ANKRD12: variants seen among roughly 807,000 people sequenced by gnomAD.
ANKRD12 encodes ankyrin repeat domain 12, also known as ankyrin repeat domain-containing protein 12.
In ANKRD12, 85 loss-of-function variants were observed where a neutral mutation model predicts 183.4. The observed-to-expected ratio is 0.46, with a 90% CI of 0.39 to 0.56. The LOEUF (loss-of-function observed/expected upper bound fraction) is 0.56, where lower values mean the gene tolerates loss of function less well. ANKRD12 is among the 20% of genes least tolerant of loss of function. The pLI, the probability that ANKRD12 is intolerant of heterozygous loss-of-function variation, is 0.00. For missense variants in ANKRD12, 2,405 were observed against 2,357.1 expected (o/e 1.02, Z -0.42); for synonymous variants, 914 against 800.2 (o/e 1.14, Z -2.40).
intron 8 of ANKRD12, among the ~76,000 whole-genome samples, chr18:9,252,624 A>G (rs766805813): frequency 2.6e-5 from 4 of 152,244 alleles, no homozygotes; most frequent in Non-Finnish European, 5.9e-5. Flanking sequence ...ATCACAAATG[A>G]CAAACCATGG....
chr18:9,280,843 G>A lies in ANKRD12; in HGVS notation c.6004-98G>A, dbSNP rs896293578. On this transcript the variant is annotated intron_variant, in intron 12 of 12. Coordinates refer to ENST00000262126, the MANE Select transcript of ANKRD12 (RefSeq NM_015208.5). Reference sequence around the variant, plus strand: ...TTCAAATGCTTTTTATGCTCCTGATGTGTCCATTTTAGTTCCTAAAGAAAC... The same window carrying A: ...TTCAAATGCTTTTTATGCTCCTGATATGTCCATTTTAGTTCCTAAAGAAAC... 10 of 1,056,426 alleles carry A rather than the reference G, an allele frequency of 9.5e-6. No individual in the cohort carries two copies. The African/African-American group carries it at 1.6e-4, about 17-fold the overall frequency. 65.4% of individuals were successfully genotyped at this position (1,056,426 alleles called of 1,614,324 possible). A position where few individuals can be genotyped will look rare whatever the true frequency, so the allele number is the denominator to read the frequency against.
chr18:9,208,810 C>A lies in ANKRD12; in HGVS notation c.451+7C>A, dbSNP rs1406037673. ...GCAAGAGACAACAGTCCAGGTGATA[C>A]CTACCATCATTGAGTTAATGTGTAT... is the stretch of plus-strand genomic sequence containing the variant. On this transcript the variant is annotated splice_region_variant and intron_variant, in intron 5 of 12. Transcript: ENST00000262126. 1.3e-6 allele frequency: 2 copies of A among 1,544,484 alleles called. No homozygotes were observed. Among genetic ancestry groups the A allele is most frequent in the Admixed American group, 1.9e-5 (1 of 52,174 alleles).
chr18:9,236,826 G>A (rs1166936839), intron 8 of ANKRD12, among the ~76,000 whole-genome samples: 1 of 152,092 alleles, frequency 6.6e-6, no homozygotes, highest in Non-Finnish European at 1.5e-5. Context: ...TATACCCCTT[G>A]ACATACATTG....
intron 8 of ANKRD12, among the ~76,000 whole-genome samples, chr18:9,242,528 T>C (rs1336647346): frequency 6.6e-6 from 1 of 152,126 alleles, no homozygotes; most frequent in East Asian, 1.9e-4. Context: ...TATCTAGCCA[T>C]GGGTTAAAAG....
chr18:9,199,435 A>G (rs1325858535), intron 3 of ANKRD12, among the ~76,000 whole-genome samples: 2 of 152,212 alleles, frequency 1.3e-5, no homozygotes, highest in Non-Finnish European at 2.9e-5. Flanking sequence ...GATTAAGACT[A>G]AGACTTTTTT....
intron 8 of ANKRD12, among the ~76,000 whole-genome samples, chr18:9,232,269 C>A (rs2037096076): frequency 6.6e-6 from 1 of 152,100 alleles, no homozygotes; most frequent in Non-Finnish European, 1.5e-5. Flanking sequence ...CTTTCACTGC[C>A]AGGTTTAGGA....
chr18:9,254,226 A>C lies in ANKRD12; in HGVS notation c.959A>C (p.Gln320Pro). Residue 320 changes from glutamine (Q) to proline (P), a missense_variant, in exon 9 of 13, where the codon CAA becomes CCA. Physicochemically the swap from Gln to Pro is moderately conservative, Grantham distance 76. Transcript: ENST00000262126. The part of the protein sequence containing the change: ...DESYTDSEEA[Q>P]SVNPSSVDEN... ...TTTATTCTAGATTCCGAAGAGGCTC[A>C]ATCTGTAAATCCTTCTAGTGTTGAT... 1 of 1,559,610 alleles carries C rather than the reference A, an allele frequency of 6.4e-7. No individual in the cohort carries two copies. The highest frequency in any genetic ancestry group is 8.6e-7 in the Non-Finnish European group (1 of 1,156,958).
chr18:9,149,463 A>T (rs2078606316), intron 1 of ANKRD12, among the ~76,000 whole-genome samples: 1 of 152,130 alleles, frequency 6.6e-6, no homozygotes, highest in African/African-American at 2.4e-5. Context: ...TGGTTGGGGG[A>T]GATAAAGAAT....
chr18:9,141,029 C>T (rs913291171), intron 1 of ANKRD12, among the ~76,000 whole-genome samples: 2 of 151,854 alleles, frequency 1.3e-5, no homozygotes, highest in Non-Finnish European at 2.9e-5. Flanking sequence ...TGCTCTGCCT[C>T]TAATTAAGAG....
intron 7 of ANKRD12, among the ~76,000 whole-genome samples, chr18:9,220,099 C>G (rs762688712): frequency 4.6e-5 from 7 of 152,294 alleles, no homozygotes; most frequent in Admixed American, 1.3e-4. Flanking sequence ...CTGCAGTAAT[C>G]TAGAAAAGTT....
chr18:9,211,179 C>A (rs376221499), intron 5 of ANKRD12, among the ~76,000 whole-genome samples: 1 of 152,052 alleles, frequency 6.6e-6, no homozygotes, highest in African/African-American at 2.4e-5. Context: ...CAGAAGAACT[C>A]CAATGCTTTG....
At chr18:9,270,244 C>T (rs1224825358) in intron 10 of ANKRD12, among the ~76,000 whole-genome samples, 1 of 152,078 alleles carries the variant, frequency 6.6e-6, no homozygotes. Flanking sequence ...ACCATTTGAC[C>T]CAGCCATCCC....
At chr18:9,202,846 C>A (rs2035255605) in intron 3 of ANKRD12, among the ~76,000 whole-genome samples, 1 of 152,108 alleles carries the variant, frequency 6.6e-6, no homozygotes, top group South Asian at 2.1e-4. Context: ...TCAGATGCCC[C>A]CAATAGAAAC....
chr18:9,258,968 C>G, intron 9 of ANKRD12, 37 bp downstream of exon 9: 2 of 1,547,634 alleles, frequency 1.3e-6, no homozygotes, highest in Non-Finnish European at 1.7e-6. Context: ...ACCTGTAACA[C>G]TGCCCAATAG....
At chr18:9,275,432 C>T (rs955354560) in intron 10 of ANKRD12, 92 bp from the exon 11 acceptor site, 6 of 1,160,008 alleles carry the variant, frequency 5.2e-6, no homozygotes, top group Non-Finnish European at 1.2e-6. Context: ...GTGATCACAC[C>T]ACTGCACTCC....
intron 1 of ANKRD12, among the ~76,000 whole-genome samples, chr18:9,138,846 A>G (rs2078219572): frequency 6.6e-6 from 1 of 152,204 alleles, no homozygotes; most frequent in Non-Finnish European, 1.5e-5. Flanking sequence ...CTACTTAAGG[A>G]TCTTTTATAT....
In ANKRD12 at chr18:9,183,742, C is replaced by T. The variant is rs149606341; in HGVS notation, c.87+1223C>T. On this transcript the variant is annotated intron_variant, in intron 2 of 12. Coordinates refer to ENST00000262126, the MANE Select transcript of ANKRD12 (RefSeq NM_015208.5). ...TTACTTCTCGCCCCCCTTTTTTCCC[C>T]GATTACACTGGCAAACTCTTCTTGA... 3.5e-3 allele frequency among the ~76,000 whole-genome samples: 536 copies of T among 151,970 alleles called. 4 individuals are homozygous for T. Among genetic ancestry groups the T allele is most frequent in the Non-Finnish European group, 6.3e-3 (429 of 67,920 alleles).
At chr18:9,250,948 T>A (rs898089874) in intron 8 of ANKRD12, among the ~76,000 whole-genome samples, 1 of 152,140 alleles carries the variant, frequency 6.6e-6, no homozygotes, top group African/African-American at 2.4e-5. Context: ...TTGTAAGGAG[T>A]CCAGGAATAT....
chr18:9,254,944 A>T lies in ANKRD12; in HGVS notation c.1677A>T (p.Lys559Asn). Residue 559 changes from lysine to asparagine, a missense_variant, in exon 9 of 13, where the codon AAA becomes AAT. Lys to Asn is a moderately conservative substitution (Grantham distance 94). Transcript: ENST00000262126. ...GTGAAAAACAGTCAACACCACTAAA[A>T]CAAGAACATACTAAAACATGTTTAT... ...GLSEKQSTPL[K>N]QEHTKTCLSP... is the part of the protein sequence containing the mutation. 1 of 1,600,718 alleles carries T rather than the reference A, an allele frequency of 6.2e-7. No homozygotes were observed. Among genetic ancestry groups the T allele is most frequent in the East Asian group, 2.2e-5 (1 of 44,538 alleles).
Sources: allele counts gnomAD v4.1 joint callset (sites outside exome capture counted in the v4.1 genomes callset), GRCh38; gene constraint gnomAD v4.1.1; transcripts MANE v1.5; gene names NCBI Gene and HGNC (gene_info 2026-07-23, HGNC 2026-07-21).